GPC3: variants seen among roughly 807,000 people sequenced by gnomAD.
The protein encoded by GPC3 is glypican 3.
GPC3 carries 3 observed loss-of-function variants against 34.4 expected under a neutral mutation model. The ratio of observed to expected loss-of-function variants is 0.09; its 90% CI spans 0.04 to 0.23. GPC3 has a LOEUF of 0.23. GPC3 is among the 10% of genes least tolerant of loss of function. GPC3 has a pLI of 1.00. For synonymous variants in GPC3, 177 were observed against 174.0 expected, an observed-to-expected ratio of 1.02 and a Z score of -0.13; for missense variants, 351 against 445.6, an observed-to-expected ratio of 0.79 and a Z score of 1.91.
At chrX:133,741,023 C>A (rs2071559531) in intron 3 of GPC3, among the ~76,000 whole-genome samples, 1 of 109,796 alleles carries the variant, frequency 9.1e-6, no homozygotes, top group African/African-American at 3.3e-5. Context: ...AGTGTGGGGC[C>A]CTGATCTAAT....
intron 1 of GPC3, 86 bp from the exon 2 acceptor site, chrX:133,953,297 C>T: frequency 1.4e-6 from 1 of 723,306 alleles, no homozygotes; most frequent in Non-Finnish European, 2.2e-6. Flanking sequence ...CCCCTACACA[C>T]ACACTCACAC....
At chrX:133,870,152 T>G (rs1423617887) in intron 2 of GPC3, among the ~76,000 whole-genome samples, 1 of 111,688 alleles carries the variant, frequency 9.0e-6, no homozygotes, top group African/African-American at 3.3e-5. Context: ...TCAAGACATA[T>G]TTGGAAGGAA....
chrX:133,782,086 A>C (rs1463403789), intron 2 of GPC3, among the ~76,000 whole-genome samples: 1 of 111,459 alleles, frequency 9.0e-6, no homozygotes, highest in East Asian at 2.8e-4. Context: ...TGCTCTGAGA[A>C]GTAACAGCTC....
chrX:133,700,148 TAG>T lies in GPC3; in HGVS notation c.1033-122_1033-121del, dbSNP rs763885751. On this transcript the variant is annotated intron_variant, in intron 3 of 7. Coordinates refer to ENST00000370818, the MANE Select transcript of GPC3 (RefSeq NM_004484.4). ...TTAAATAGCAGAACAAAGCTATGAC[TAG>T]AGTCAAAAAAGGTGATAAGCTTGTA... 25 of 545,673 alleles carry T rather than the reference TAG, an allele frequency of 4.6e-5. No homozygotes were observed. In the African/African-American group the frequency reaches 5.6e-4, roughly 12 times the overall value. The allele number at this position is 545,673 out of a possible 1,213,427, so 45.0% of individuals were successfully genotyped here.
chrX:133,872,179 A>C (rs974162773), intron 2 of GPC3, among the ~76,000 whole-genome samples: 1 of 111,878 alleles, frequency 8.9e-6, no homozygotes, highest in Non-Finnish European at 1.9e-5. Flanking sequence ...ATTTTAAGGA[A>C]CATGACAGGA....
chrX:133,836,450 T>G (rs1349043777), intron 2 of GPC3, among the ~76,000 whole-genome samples: 1 of 112,331 alleles, frequency 8.9e-6, no homozygotes, highest in Non-Finnish European at 1.9e-5. Flanking sequence ...CTTCAGGGAC[T>G]GGGAGTTGGC....
At chrX:133,846,864 T>C (rs1397722614) in intron 2 of GPC3, among the ~76,000 whole-genome samples, 1 of 112,025 alleles carries the variant, frequency 8.9e-6, no homozygotes, top group Non-Finnish European at 1.9e-5. Flanking sequence ...CTTCATCACC[T>C]AAACCAGCTT....
rs1368185590 is a variant in GPC3 at position 133,556,923 on chromosome X, TA to T, written c.1574-20631del. On this transcript the variant is annotated intron_variant, in intron 7 of 7. Coordinates refer to ENST00000370818, the MANE Select transcript of GPC3 (RefSeq NM_004484.4). The stretch of plus-strand genomic sequence containing the variant: ...GTACCCTAGAACTTAAAGTATAATT[TA>T]AAAAAAAAATAAAGATTTTTTTTTG... 2.4e-4 allele frequency among the ~76,000 whole-genome samples: 25 copies of T among 105,989 alleles called. No homozygotes were observed. The East Asian group carries it at 5.3e-3, about 23-fold the overall frequency. 92.0% of individuals were successfully genotyped at this position (105,989 alleles called of 115,157 possible).
At chrX:133,971,568 T>C (rs1010788280) in intron 1 of GPC3, among the ~76,000 whole-genome samples, 4 of 110,984 alleles carry the variant, frequency 3.6e-5, no homozygotes, top group Non-Finnish European at 7.5e-5. Flanking sequence ...TATAAAACAT[T>C]CCACTCATCT....
intron 2 of GPC3, among the ~76,000 whole-genome samples, chrX:133,888,138 T>G (rs1418274883): frequency 9.1e-6 from 1 of 110,448 alleles, no homozygotes; most frequent in African/African-American, 3.3e-5. Context: ...GTGTTCTCAT[T>G]GTTCAACTCC....
intron 5 of GPC3, among the ~76,000 whole-genome samples, chrX:133,673,601 G>A (rs2070854828): frequency 8.9e-6 from 1 of 112,348 alleles, no homozygotes; most frequent in Non-Finnish European, 1.9e-5. Context: ...ATACATTTTA[G>A]GGAGGAAGAG....
intron 6 of GPC3, among the ~76,000 whole-genome samples, chrX:133,654,356 C>G (rs780377983): frequency 1.8e-5 from 2 of 111,342 alleles, no homozygotes; most frequent in East Asian, 5.6e-4. Context: ...GACTGATATA[C>G]CTCATATAGC....
chrX:133,638,806 C>T (rs2070453309), intron 6 of GPC3, among the ~76,000 whole-genome samples: 1 of 97,764 alleles, frequency 1.0e-5, no homozygotes, highest in Admixed American at 1.1e-4. Flanking sequence ...CTAACACTAA[C>T]AATAGCTGAT....
In GPC3 at chrX:133,538,820, C is replaced by T. The variant is rs185319072; in HGVS notation, c.1574-2527G>A. ...AGTAGCTGGGGCCATGGCAAAACCC[C>T]GTCTCCAGAAAAAAAAAATACAAAT... On this transcript the variant is annotated intron_variant, in intron 7 of 7. Transcript: ENST00000370818. Among the ~76,000 whole-genome samples the T allele has an allele frequency of 5.4e-3, 547 of 101,698 alleles. 4 individuals carry two copies. The highest frequency in any genetic ancestry group is 0.019 in the African/African-American group (516 of 27,741). The allele number at this position is 101,698 out of a possible 115,157, so 88.3% of individuals were successfully genotyped here. A position where few individuals can be genotyped will look rare whatever the true frequency, so the allele number is the denominator to read the frequency against.
At chrX:133,861,432 C>T (rs1222671727) in intron 2 of GPC3, among the ~76,000 whole-genome samples, 1 of 110,931 alleles carries the variant, frequency 9.0e-6, no homozygotes, top group Non-Finnish European at 1.9e-5. Context: ...ATTAACAATC[C>T]TAAAGTTTGA....
At chrX:133,712,908 A>AAAAAATT (rs2071284482) in intron 3 of GPC3, among the ~76,000 whole-genome samples, 1 of 111,610 alleles carries the variant, frequency 9.0e-6, no homozygotes, top group Admixed American at 9.5e-5. Flanking sequence ...AATAAAAAAT[A>AAAAAATT]AACCCCTGTA....
At chrX:133,886,090 CTTCA>C (rs2076060476) in intron 2 of GPC3, among the ~76,000 whole-genome samples, 1 of 111,522 alleles carries the variant, frequency 9.0e-6, no homozygotes, top group South Asian at 3.8e-4. Context: ...TTTATTCAAT[CTTCA>C]TTCAATTATC....
chrX:133,802,586 GA>G (rs770272750), intron 2 of GPC3, among the ~76,000 whole-genome samples: 1 of 112,385 alleles, frequency 8.9e-6, no homozygotes, highest in Non-Finnish European at 1.9e-5. Context: ...CAGGAAGGCT[GA>G]ATGTCAACGA....
chrX:133,633,340 A>C (rs1179510053), intron 6 of GPC3, among the ~76,000 whole-genome samples: 1 of 111,949 alleles, frequency 8.9e-6, no homozygotes, highest in East Asian at 2.8e-4. Flanking sequence ...TCCAGATTAC[A>C]ATCAGTTTGC....
Sources: gnomAD v4.1 joint callset for allele counts (sites outside exome capture counted in the v4.1 genomes callset) on GRCh38, gnomAD v4.1.1 for gene constraint, MANE v1.5 for transcripts, NCBI Gene and HGNC (gene_info 2026-07-23, HGNC 2026-07-21) for gene names.